The following CLIP2 variants were observed in gnomAD, a reference collection of about 807,000 sequenced individuals.
CLIP2 encodes the protein CAP-Gly domain containing linker protein 2.
In CLIP2, 41 loss-of-function variants were observed where a neutral mutation model predicts 111.7. The ratio of observed to expected loss-of-function variants is 0.37; its 90% CI spans 0.29 to 0.48. CLIP2 has a LOEUF of 0.48. Among genes scored for constraint, CLIP2 ranks in the 20% least tolerant of loss-of-function variants. CLIP2 has a pLI of 0.99. For missense variants in CLIP2, 1,160 were observed against 1,422.1 expected (o/e 0.82, Z 2.96); for synonymous variants, 660 against 644.2 (o/e 1.02, Z -0.37).
At chr7:74,300,745 C>A (rs535165024) in intron 1 of CLIP2, among the ~76,000 whole-genome samples, 1 of 152,192 alleles carries the variant, frequency 6.6e-6, no homozygotes, top group Non-Finnish European at 1.5e-5. Context: ...CGTGAGCCAC[C>A]GTGCCCGGCC....
chr7:74,398,073 C>T (rs1554317017), intron 14 of CLIP2, among the ~76,000 whole-genome samples: 1 of 151,836 alleles, frequency 6.6e-6, no homozygotes, highest in African/African-American at 2.4e-5. Context: ...CATCCCCATC[C>T]CTTGGCCAGG....
intron 13 of CLIP2, among the ~76,000 whole-genome samples, chr7:74,393,424 C>T (rs549545373): frequency 2.6e-5 from 4 of 151,540 alleles, no homozygotes; most frequent in South Asian, 2.1e-4. Flanking sequence ...GCAACCTCCA[C>T]CTCCTAGGTT....
chr7:74,366,141 G>A (rs1036233988), intron 8 of CLIP2, among the ~76,000 whole-genome samples: 26 of 151,400 alleles, frequency 1.7e-4, no homozygotes, highest in African/African-American at 5.6e-4. Flanking sequence ...GGCCCCCTCC[G>A]CTTTATCACC....
intron 2 of CLIP2, among the ~76,000 whole-genome samples, chr7:74,323,018 C>T (rs868972547): frequency 8.6e-5 from 13 of 152,046 alleles, no homozygotes; most frequent in Admixed American, 4.6e-4. Context: ...TATGAGCCAC[C>T]GCGCCTGGCC....
In CLIP2 at chr7:74,371,755, GGGA is replaced by G. The variant is rs869260596; in HGVS notation, c.1381-1172_1381-1170del. ...AGAAAGGGAAGGACAAAGAGGGAGA[GGGA>G]GGAGAAGGAGAGAGGAGGGGAGAGA... On this transcript the variant is annotated intron_variant, in intron 8 of 16. Coordinates refer to ENST00000223398, the MANE Select transcript of CLIP2 (RefSeq NM_003388.5). Among the ~76,000 whole-genome samples the G allele has an allele frequency of 4.6e-5, 7 of 151,216 alleles. No homozygotes were observed. In the East Asian group the frequency reaches 5.8e-4, roughly 13 times the overall value.
At chr7:74,399,045 C>G (rs1249930460) in intron 14 of CLIP2, among the ~76,000 whole-genome samples, 1 of 152,102 alleles carries the variant, frequency 6.6e-6, no homozygotes, top group Non-Finnish European at 1.5e-5. Context: ...TGGGTAGAAG[C>G]CTCTTGATTT....
intron 1 of CLIP2, among the ~76,000 whole-genome samples, chr7:74,317,140 C>T (rs782522326): frequency 2.0e-5 from 3 of 152,142 alleles, no homozygotes; most frequent in African/African-American, 7.2e-5. Flanking sequence ...TAAATAAAGA[C>T]ACAAAGCTTT....
chr7:74,381,409 G>A (rs1359790949), intron 11 of CLIP2, among the ~76,000 whole-genome samples: 4 of 152,092 alleles, frequency 2.6e-5, no homozygotes, highest in Middle Eastern at 3.2e-3. Context: ...GGGTGGTCTC[G>A]ATCTCCTGAC....
intron 1 of CLIP2, among the ~76,000 whole-genome samples, chr7:74,300,036 G>C (rs782300927): frequency 8.7e-5 from 13 of 150,222 alleles, no homozygotes; most frequent in Admixed American, 5.4e-4. Context: ...GCCCAGGTTG[G>C]AGTGCAGTGG....
At chr7:74,348,614 C>G (rs189218192) in intron 3 of CLIP2, among the ~76,000 whole-genome samples, 1 of 151,442 alleles carries the variant, frequency 6.6e-6, no homozygotes, top group East Asian at 2.0e-4. Flanking sequence ...ACGGTGAAAC[C>G]CCGTCTCTAC....
chr7:74,318,862 G>C (rs1232271821), intron 2 of CLIP2, among the ~76,000 whole-genome samples: 3 of 152,190 alleles, frequency 2.0e-5, no homozygotes, highest in Non-Finnish European at 4.4e-5. Flanking sequence ...AGTTTGGAGA[G>C]ACAAACACAG....
intron 2 of CLIP2, among the ~76,000 whole-genome samples, chr7:74,334,639 G>C (rs1789397581): frequency 6.6e-6 from 1 of 152,064 alleles, no homozygotes; most frequent in African/African-American, 2.4e-5. Context: ...AATGGATATG[G>C]GGTAGGAGCT....
chr7:74,342,783 C>CA (rs782817821), intron 3 of CLIP2, among the ~76,000 whole-genome samples: 4 of 152,100 alleles, frequency 2.6e-5, no homozygotes, highest in Non-Finnish European at 5.9e-5. Flanking sequence ...CGCGGTGGCT[C>CA]ACGCCTATAA....
intron 11 of CLIP2, among the ~76,000 whole-genome samples, chr7:74,384,275 C>T (rs35973837): frequency 0.53 from 80,274 of 151,758 alleles, 22,711 homozygotes; most frequent in Non-Finnish European, 0.65. Flanking sequence ...ATGGACATAC[C>T]GCATTTTGTT....
At chr7:74,400,018 G>T (rs1370505057) in intron 14 of CLIP2, among the ~76,000 whole-genome samples, 3 of 151,678 alleles carry the variant, frequency 2.0e-5, no homozygotes, top group Admixed American at 2.0e-4. Context: ...AGCGGGGCGT[G>T]GTGGTGGGCC....
chr7:74,388,726 C>T (rs180769813), intron 12 of CLIP2: 8 of 155,224 alleles, frequency 5.2e-5, no homozygotes, highest in East Asian at 1.9e-4. Context: ...ACCCAGGAAG[C>T]GGAGGTTGTA....
chr7:74,325,687 C>A (rs1258024593), intron 2 of CLIP2, among the ~76,000 whole-genome samples: 1 of 151,226 alleles, frequency 6.6e-6, no homozygotes, highest in African/African-American at 2.4e-5. Context: ...CAAAAATTAG[C>A]TGGGCGTGGT....
chr7:74,344,881 C>T (rs913660324), intron 3 of CLIP2, among the ~76,000 whole-genome samples: 19 of 152,210 alleles, frequency 1.2e-4, no homozygotes, highest in African/African-American at 2.6e-4. Context: ...GTCTCACAGA[C>T]GGGCCTCCAT....
At chr7:74,291,922 TC>T (rs1554725426) in intron 1 of CLIP2, among the ~76,000 whole-genome samples, 1 of 135,398 alleles carries the variant, frequency 7.4e-6, no homozygotes, top group African/African-American at 3.0e-5. Context: ...GATCCTGCCC[TC>T]TTTTTTTTTT....
Sources: allele counts gnomAD v4.1 joint callset (sites outside exome capture counted in the v4.1 genomes callset), GRCh38; gene constraint gnomAD v4.1.1; transcripts MANE v1.5; gene names NCBI Gene and HGNC (gene_info 2026-07-23, HGNC 2026-07-21).